KIF25: variants seen among roughly 807,000 people sequenced by gnomAD.
The protein encoded by KIF25 is kinesin-like protein KIF25.
In KIF25, 19 loss-of-function variants were observed where a neutral mutation model predicts 32.9. That is an observed-to-expected ratio of 0.58 (90% CI 0.40 to 0.85). KIF25 has a LOEUF of 0.85. Ranked by LOEUF, KIF25 falls within the 40% of genes least tolerant of loss-of-function variation. KIF25 has a pLI of 0.00. For synonymous variants in KIF25, 225 were observed against 213.7 expected (o/e 1.05, Z -0.46); for missense variants, 485 against 507.0 (o/e 0.96, Z 0.42).
chr6:168,012,666 A>G (rs2114875397), intron 4 of KIF25, among the ~76,000 whole-genome samples: 1 of 152,126 alleles, frequency 6.6e-6, no homozygotes, highest in African/African-American at 2.4e-5. Flanking sequence ...AGTGACTTGT[A>G]GGGTTGTTTC....
chr6:168,012,563 C>T (rs1172830420), intron 4 of KIF25, among the ~76,000 whole-genome samples: 1 of 152,214 alleles, frequency 6.6e-6, no homozygotes, highest in Non-Finnish European at 1.5e-5. Flanking sequence ...AACATGGGGT[C>T]TGGCTCATTG....
chr6:168,043,430 G>A (rs1340448445), intron 12 of KIF25, among the ~76,000 whole-genome samples: 1 of 152,196 alleles, frequency 6.6e-6, no homozygotes, highest in African/African-American at 2.4e-5. Context: ...CTTCCTGGGA[G>A]GGCCACCCTG....
intron 5 of KIF25, among the ~76,000 whole-genome samples, chr6:168,021,340 G>A (rs1175444312): frequency 6.6e-6 from 1 of 152,234 alleles, no homozygotes; most frequent in Non-Finnish European, 1.5e-5. Flanking sequence ...ATCAAAAGAA[G>A]CAGCAAGAAC....
intron 2 of KIF25, among the ~76,000 whole-genome samples, chr6:167,999,616 C>T (rs1426557496): frequency 1.3e-5 from 2 of 152,152 alleles, no homozygotes; most frequent in South Asian, 2.1e-4. Flanking sequence ...CTGCGGGGTC[C>T]GACCGAACAG....
At chr6:168,015,314 G>A (rs1164786528) in intron 4 of KIF25, among the ~76,000 whole-genome samples, 1 of 152,206 alleles carries the variant, frequency 6.6e-6, no homozygotes, top group Non-Finnish European at 1.5e-5. Context: ...AATGGAGAGG[G>A]TGAATTCAAT....
intron 5 of KIF25, 137 bp from the exon 6 acceptor site, chr6:168,029,355 C>G (rs748866223): frequency 5.1e-6 from 3 of 582,722 alleles, no homozygotes; most frequent in Non-Finnish European, 8.4e-6. Context: ...AAAACACCAG[C>G]TGGAAAAAGT....
In KIF25 at chr6:168,040,304, G is replaced by A. The variant is rs779692160; in HGVS notation, c.646+88G>A. The A allele has an allele frequency of 4.6e-5, 62 of 1,336,868 alleles. No individual in the cohort carries two copies. In the East Asian group the frequency reaches 8.1e-4, roughly 18 times the overall value. The allele number at this position is 1,336,868 out of a possible 1,614,324, so 82.8% of individuals were successfully genotyped here. Reference sequence around the variant, plus strand: ...AATCAGGCCAGGCACAGTGGCTCACGCCTGTAATCCCAGCACTTTGGGAGA... The same window carrying A: ...AATCAGGCCAGGCACAGTGGCTCACACCTGTAATCCCAGCACTTTGGGAGA... On this transcript the variant is annotated intron_variant, in intron 10 of 12. Transcript: ENST00000643607.
chr6:168,023,784 T>G (rs2114889388), intron 5 of KIF25, among the ~76,000 whole-genome samples: 1 of 152,338 alleles, frequency 6.6e-6, no homozygotes, highest in Middle Eastern at 3.4e-3. Context: ...TACTTACATG[T>G]TGGTTAGGGG....
intron 4 of KIF25, among the ~76,000 whole-genome samples, chr6:168,011,807 C>A (rs1035675118): frequency 1.3e-5 from 2 of 152,164 alleles, no homozygotes; most frequent in Non-Finnish European, 2.9e-5. Context: ...GCCCATAATA[C>A]AAATATTGAT....
chr6:168,024,758 C>T (rs1009985586), intron 5 of KIF25, among the ~76,000 whole-genome samples: 1 of 151,342 alleles, frequency 6.6e-6, no homozygotes, highest in Admixed American at 6.6e-5. Context: ...GAGTTCAAGA[C>T]CAGCCTGGCT....
chr6:168,008,795 G>A (rs1798611056), intron 4 of KIF25, among the ~76,000 whole-genome samples: 1 of 151,922 alleles, frequency 6.6e-6, no homozygotes, highest in African/African-American at 2.4e-5. Flanking sequence ...CACCTCCTTG[G>A]TTAAATTTAT....
chr6:168,032,412 G>A (rs1255839143), intron 7 of KIF25, among the ~76,000 whole-genome samples: 1 of 152,242 alleles, frequency 6.6e-6, no homozygotes, highest in East Asian at 1.9e-4. Flanking sequence ...GCATGTAAAT[G>A]AATTCAGGGA....
intron 8 of KIF25, among the ~76,000 whole-genome samples, chr6:168,036,901 A>C (rs1799032933): frequency 1.3e-5 from 2 of 152,152 alleles, no homozygotes; most frequent in Non-Finnish European, 1.5e-5. Flanking sequence ...ATCTCTACTA[A>C]AAATACAAAA....
chr6:168,038,868 C>G (rs866009968), intron 9 of KIF25, 139 bp downstream of exon 9: 2 of 755,126 alleles, frequency 2.6e-6, no homozygotes, highest in East Asian at 2.7e-5. Context: ...CGTGGTGGCC[C>G]GATCAGTGCT....
intron 5 of KIF25, among the ~76,000 whole-genome samples, chr6:168,023,770 G>GCATTACTTA (rs1798820777): frequency 6.6e-6 from 1 of 152,136 alleles, no homozygotes; most frequent in Admixed American, 6.5e-5. Context: ...TATTTTATCT[G>GCATTACTTA]CATTACTTAC....
chr6:168,041,612 G>A (rs1165370724), intron 10 of KIF25, among the ~76,000 whole-genome samples: 2 of 152,226 alleles, frequency 1.3e-5, no homozygotes, highest in African/African-American at 4.8e-5. Context: ...TAGGATTTGT[G>A]TGGAAGATTA....
In KIF25 at chr6:168,042,578, G is replaced by A. The variant is rs200480792; in HGVS notation, c.847G>A (p.Gly283Arg). ...SECVGVSGVT[G>R]LALREMACIS... ...CTGTCCAGGTGTGTCTGGAGTGACC[G>A]GGTTGGCCCTGAGGGAGATGGCGTG... is the stretch of plus-strand genomic sequence containing the variant. The change falls in exon 12 of 13, where the codon GGG becomes AGG. Residue 283 changes from glycine to arginine, a missense_variant. Transcript: ENST00000643607. 6.0e-4 allele frequency: 973 copies of A among 1,613,820 alleles called. 9 individuals are homozygous for A. In the South Asian group the frequency reaches 8.2e-3, roughly 14 times the overall value.
chr6:168,039,916 A>T (rs555005397), intron 9 of KIF25, 149 bp from the exon 10 acceptor site: 1 of 989,890 alleles, frequency 1.0e-6, no homozygotes, highest in African/African-American at 1.7e-5. Context: ...TTGCTTTACC[A>T]TGATTTATTG....
chr6:168,036,753 G>A (rs1326426420), intron 8 of KIF25, among the ~76,000 whole-genome samples: 3 of 152,202 alleles, frequency 2.0e-5, no homozygotes, highest in Non-Finnish European at 1.5e-5. Flanking sequence ...GGTGTGGAGA[G>A]GAGGAGAATG....
Sources: allele counts gnomAD v4.1 joint callset (sites outside exome capture counted in the v4.1 genomes callset), GRCh38; gene constraint gnomAD v4.1.1; transcripts MANE v1.5; gene names NCBI Gene and HGNC (gene_info 2026-07-23, HGNC 2026-07-21).